The following COL27A1 variants were observed in gnomAD, a reference collection of about 807,000 sequenced individuals.
COL27A1 encodes the protein collagen alpha-1(XXVII) chain.
COL27A1 carries 106 observed loss-of-function variants against 251.3 expected under a neutral mutation model. That is an observed-to-expected ratio of 0.42 (90% CI 0.36 to 0.50). The LOEUF is 0.50. Ranked by LOEUF, COL27A1 falls within the 20% of genes least tolerant of loss-of-function variation. COL27A1 has a pLI of 0.00. For synonymous variants in COL27A1, 1,000 were observed against 986.3 expected, an observed-to-expected ratio of 1.01 and a Z score of -0.26; for missense variants, 2,325 against 2,522.8, an observed-to-expected ratio of 0.92 and a Z score of 1.68.
chr9:114,256,771 G>A (rs1721004212), intron 27 of COL27A1, among the ~76,000 whole-genome samples: 2 of 152,320 alleles, frequency 1.3e-5, no homozygotes, highest in East Asian at 3.9e-4. Context: ...TGCCTAAGAT[G>A]GCACAATTAG....
intron 49 of COL27A1, among the ~76,000 whole-genome samples, chr9:114,295,371 G>T (rs1400772387): frequency 6.6e-6 from 1 of 152,154 alleles, no homozygotes; most frequent in Non-Finnish European, 1.5e-5. Context: ...CTTCAAATTG[G>T]TGTATTGATT....
intron 18 of COL27A1, among the ~76,000 whole-genome samples, chr9:114,237,310 T>G (rs75385803): frequency 0.03 from 4,535 of 152,302 alleles, 224 homozygotes; most frequent in African/African-American, 0.099. Context: ...AATAGTGATG[T>G]TATCAGTAAC....
In COL27A1 at chr9:114,307,691, C is replaced by T. The variant is rs1405798136; in HGVS notation, c.5130C>T (p.Asn1710=). The T allele has an allele frequency of 1.9e-6, 3 of 1,614,006 alleles. No individual in the cohort carries two copies. Among genetic ancestry groups the T allele is most frequent in the Non-Finnish European group, 2.5e-6 (3 of 1,179,962 alleles). Residue 1710 remains asparagine (N), a synonymous_variant, in exon 59 of 61, where the codon AAC becomes AAT. Transcript: ENST00000356083. The part of the protein sequence containing the change: ...MVDGTYWVDP[N]LGCSSDTIEV... ...CAGGTACCTACTGGGTGGATCCAAA[C>T]CTTGGCTGCTCCTCTGACACCATCG...
At chr9:114,177,184 C>A (rs1005059789) in intron 3 of COL27A1, among the ~76,000 whole-genome samples, 1 of 152,340 alleles carries the variant, frequency 6.6e-6, no homozygotes, top group South Asian at 2.1e-4. Context: ...GTGGGAGGAA[C>A]TGCAGGAAGT....
At chr9:114,244,423 T>C (rs1588750027) in intron 23 of COL27A1, among the ~76,000 whole-genome samples, 1 of 152,202 alleles carries the variant, frequency 6.6e-6, no homozygotes. Context: ...TGGCCCAAGA[T>C]AGGAGAGTAA....
At chr9:114,264,836 CT>C in intron 29 of COL27A1, 87 bp from the exon 30 acceptor site, 2 of 1,415,660 alleles carry the variant, frequency 1.4e-6, no homozygotes, top group Non-Finnish European at 1.9e-6. Context: ...AAACGGGTTC[CT>C]TTTATCTCCC....
chr9:114,286,632 C>T (rs1218368892), intron 41 of COL27A1, among the ~76,000 whole-genome samples: 1 of 152,134 alleles, frequency 6.6e-6, no homozygotes, highest in Non-Finnish European at 1.5e-5. Context: ...AAATGATATA[C>T]CTAATGCTAA....
intron 4 of COL27A1, among the ~76,000 whole-genome samples, chr9:114,178,803 G>C (rs1002647961): frequency 3.9e-5 from 6 of 152,138 alleles, no homozygotes; most frequent in Non-Finnish European, 7.4e-5. Context: ...GAGGCTGGGG[G>C]ACAGCTTGGC....
chr9:114,211,482 G>A (rs775528301), intron 12 of COL27A1, among the ~76,000 whole-genome samples: 2 of 152,254 alleles, frequency 1.3e-5, no homozygotes, highest in African/African-American at 2.4e-5. Flanking sequence ...TGGGGTTTAT[G>A]GGCAGTGCCC....
chr9:114,168,919 C>A lies in COL27A1; in HGVS notation c.1364C>A (p.Pro455His). 2 of 1,614,154 alleles carry A rather than the reference C, an allele frequency of 1.2e-6. No homozygotes were observed. Among genetic ancestry groups the A allele is most frequent in the Non-Finnish European group, 1.7e-6 (2 of 1,180,022 alleles). The change falls in exon 3 of 61, where the codon CCC becomes CAC. Residue 455 changes from proline (P) to histidine (H), a missense_variant. By Grantham distance (77) the Pro-to-His change is moderately conservative (BLOSUM62 -2). Coordinates refer to ENST00000356083, the MANE Select transcript of COL27A1 (RefSeq NM_032888.4). Reference sequence around the variant, plus strand: ...ACCAGCTCCTCTAAAAAACCCATTCCCACACTAGCTCGGACTGAGGCCAAG... The same window carrying A: ...ACCAGCTCCTCTAAAAAACCCATTCACACACTAGCTCGGACTGAGGCCAAG... ...PTTSSSKKPI[P>H]TLARTEAKIT...
intron 40 of COL27A1, 131 bp from the exon 41 acceptor site, chr9:114,284,593 T>G: frequency 1.1e-6 from 1 of 887,958 alleles, no homozygotes; most frequent in East Asian, 2.5e-5. Flanking sequence ...ACAGACTTAC[T>G]CAGAGCCACA....
rs149120593 is a variant in COL27A1 at position 114,208,443 on chromosome 9, C to T, written c.2269-1232C>T. ...CAGCCTGGATGACAGAGCAAGACTC[C>T]GTCTCAAAAAATATATATAAATAAA... is the stretch of plus-strand genomic sequence containing the variant. On this transcript the variant is annotated intron_variant, in intron 10 of 60. Coordinates refer to ENST00000356083, the MANE Select transcript of COL27A1 (RefSeq NM_032888.4). 9.6e-4 allele frequency among the ~76,000 whole-genome samples: 146 copies of T among 151,924 alleles called. 1 individual carries two copies. Among genetic ancestry groups the T allele is most frequent in the African/African-American group, 3.2e-3 (134 of 41,412 alleles).
At position 114,168,865 on chromosome 9, in the gene COL27A1, C is replaced by G; in HGVS notation, c.1310C>G (p.Pro437Arg). Residue 437 changes from proline to arginine, a missense_variant, in exon 3 of 61, where the codon CCG (proline) becomes CGG (arginine). By Grantham distance (103) the Pro-to-Arg change is moderately radical. Around this residue, in one of 4 missense-constraint regions of COL27A1, gnomAD observed 1,183 missense variants for 1,144.1 expected, o/e 1.03. Coordinates refer to ENST00000356083, the MANE Select transcript of COL27A1 (RefSeq NM_032888.4). Reference protein sequence around the residue: ...QRNPGMPRPPPPSTRPLPPTT... With the variant: ...QRNPGMPRPPRPSTRPLPPTT... ...AACCCGGGAATGCCCAGGCCCCCAC[C>G]GCCCAGCACCCGGCCCCTACCTCCT... The G allele has an allele frequency of 2.5e-6, 4 of 1,614,108 alleles. No homozygotes were observed. Among genetic ancestry groups the G allele is most frequent in the Non-Finnish European group, 3.4e-6 (4 of 1,180,032 alleles).
chr9:114,255,905 G>A (rs949943719), intron 27 of COL27A1, among the ~76,000 whole-genome samples: 1 of 152,132 alleles, frequency 6.6e-6, no homozygotes, highest in East Asian at 1.9e-4. Context: ...TAGCTTCTCC[G>A]ACCCTCAGTT....
rs1588913566 is a variant in COL27A1 at position 114,310,896 on chromosome 9, C to G, written c.*201C>G. ...TGTCCTTGGGAACAATGGATCCCAG[C>G]TTAGCCCCAAAGACCAACCAAAGAG... On this transcript the variant is annotated 3_prime_UTR_variant, in exon 61 of 61. Transcript: ENST00000356083. 8 of 530,590 alleles carry G rather than the reference C, an allele frequency of 1.5e-5. No homozygotes were observed. The East Asian group carries it at 2.1e-4, about 14-fold the overall frequency. 32.9% of individuals were successfully genotyped at this position (530,590 alleles called of 1,614,324 possible). A position where few individuals can be genotyped will look rare whatever the true frequency, so the allele number is the denominator to read the frequency against.
chr9:114,194,696 A>G (rs1828984747), intron 6 of COL27A1, among the ~76,000 whole-genome samples: 1 of 152,188 alleles, frequency 6.6e-6, no homozygotes, highest in African/African-American at 2.4e-5. Flanking sequence ...AACCAACAAA[A>G]CTGACAAAAG....
intron 37 of COL27A1, among the ~76,000 whole-genome samples, chr9:114,281,699 G>T (rs545842804): frequency 6.6e-6 from 1 of 152,200 alleles, no homozygotes; most frequent in Non-Finnish European, 1.5e-5. Context: ...CATGTCATCA[G>T]TGGGGACCAT....
chr9:114,251,740 G>T (rs1833559046), intron 25 of COL27A1, among the ~76,000 whole-genome samples: 1 of 152,116 alleles, frequency 6.6e-6, no homozygotes, highest in South Asian at 2.1e-4. Flanking sequence ...CACCCTTTCT[G>T]CCCAGATGCT....
chr9:114,309,546 T>C, intron 60 of COL27A1, 68 bp downstream of exon 60: 1 of 1,179,120 alleles, frequency 8.5e-7, no homozygotes, highest in Non-Finnish European at 1.2e-6. Context: ...TTTGGAAAAA[T>C]GTGTTTCTAT....
Sources: gnomAD v4.1 joint callset for allele counts (sites outside exome capture counted in the v4.1 genomes callset) on GRCh38, gnomAD v4.1.1 for gene constraint, gnomAD v4.1.1 regional missense constraint, MANE v1.5 for transcripts, NCBI Gene and HGNC (gene_info 2026-07-23, HGNC 2026-07-21) for gene names.